Variants in ATRX observed in about 807,000 individuals in gnomAD.
ATRX encodes the protein chromatin remodeler ATRX.
Under a neutral mutation model 172.6 loss-of-function variants are expected in ATRX, and 12 were observed. The observed-to-expected ratio is 0.07, with a 90% CI of 0.04 to 0.11. ATRX has a LOEUF of 0.11. Ranked by LOEUF, ATRX falls within the 10% of genes least tolerant of loss-of-function variation. ATRX has a pLI of 1.00. For missense variants in ATRX, 1,368 were observed against 1,767.4 expected (o/e 0.77, Z 4.05); for synonymous variants, 674 against 594.7 (o/e 1.13, Z -1.94).
chrX:77,610,065 T>C (rs1423561451), intron 22 of ATRX, among the ~76,000 whole-genome samples: 3 of 112,028 alleles, frequency 2.7e-5, no homozygotes, highest in African/African-American at 9.7e-5. Flanking sequence ...TGATTATGCA[T>C]TGCATGGCTG....
intron 26 of ATRX, among the ~76,000 whole-genome samples, chrX:77,592,212 G>A (rs1307343074): frequency 4.6e-5 from 5 of 109,798 alleles, no homozygotes; most frequent in African/African-American, 1.7e-4. Flanking sequence ...AGGAGTTCAA[G>A]ACCAGCTAGG....
Position 77,620,383 on chromosome X carries a change from A to T in ATRX, c.5272+12T>A. Reference sequence around the variant, plus strand: ...CCAATATTCTACTGCATAATCAGAGATATTAACTCACACTCAATTAGGTTA... The same window carrying T: ...CCAATATTCTACTGCATAATCAGAGTTATTAACTCACACTCAATTAGGTTA... On this transcript the variant is annotated intron_variant, in intron 20 of 34. Coordinates refer to ENST00000373344, the MANE Select transcript of ATRX (RefSeq NM_000489.6). 4 of 1,205,431 alleles carry T rather than the reference A, an allele frequency of 3.3e-6. No homozygotes were observed. The highest frequency in any genetic ancestry group is 4.5e-6 in the Non-Finnish European group (4 of 890,279).
chrX:77,665,847 G>GCAAT (rs1190465026), intron 10 of ATRX, among the ~76,000 whole-genome samples: 1 of 111,837 alleles, frequency 8.9e-6, no homozygotes, highest in Non-Finnish European at 1.9e-5. Context: ...CATGTTCTCT[G>GCAAT]CAATCAAGAC....
At chrX:77,760,263 A>C (rs1433972587) in intron 1 of ATRX, among the ~76,000 whole-genome samples, 16 of 108,705 alleles carry the variant, frequency 1.5e-4, no homozygotes, top group East Asian at 2.9e-4. Flanking sequence ...AACAAACAAA[A>C]AAAAAAAAGG....
Position 77,556,923 on chromosome X carries a change from A to G in ATRX, c.6699+528T>C, listed in dbSNP as rs1470548942. Among the ~76,000 whole-genome samples the G allele has an allele frequency of 5.4e-5, 6 of 111,810 alleles. No individual in the cohort carries two copies. In the Admixed American group the frequency reaches 5.7e-4, roughly 11 times the overall value. ...TGGGTAAGTTACCTAGCCTCTCTGA[A>G]CCTCAGTTTCCTCATCTTGAAAATG... is the stretch of plus-strand genomic sequence containing the variant. On this transcript the variant is annotated intron_variant, in intron 30 of 34. Coordinates refer to ENST00000373344, the MANE Select transcript of ATRX (RefSeq NM_000489.6).
chrX:77,542,467 C>A (rs782518012), intron 30 of ATRX, among the ~76,000 whole-genome samples: 1 of 111,914 alleles, frequency 8.9e-6, no homozygotes, highest in South Asian at 3.7e-4. Flanking sequence ...GAAAAAACTA[C>A]TCTAAACTTC....
intron 27 of ATRX, among the ~76,000 whole-genome samples, chrX:77,574,733 C>A (rs1557069440): frequency 1.8e-5 from 2 of 111,656 alleles, no homozygotes; most frequent in African/African-American, 6.5e-5. Flanking sequence ...TCCTTATCAA[C>A]AACTTGATAA....
At chrX:77,733,697 C>G (rs1454277868) in intron 1 of ATRX, among the ~76,000 whole-genome samples, 2 of 83,318 alleles carry the variant, frequency 2.4e-5, no homozygotes, top group Non-Finnish European at 4.7e-5. Flanking sequence ...GGTGAAACCC[C>G]ATCTATGCTA....
intron 14 of ATRX, 144 bp from the exon 15 acceptor site, chrX:77,652,497 T>TAAAA: frequency 5.2e-6 from 2 of 386,020 alleles, no homozygotes; most frequent in Non-Finnish European, 7.7e-6. Flanking sequence ...AGAGTAGTAT[T>TAAAA]AAAAAAAAAA....
intron 12 of ATRX, 89 bp downstream of exon 12, chrX:77,663,293 C>T: frequency 9.4e-7 from 1 of 1,062,266 alleles, no homozygotes; most frequent in South Asian, 1.9e-5. Context: ...GCAATCTGCC[C>T]ACCTCAGCTT....
chrX:77,738,159 A>T (rs1415656613), intron 1 of ATRX, among the ~76,000 whole-genome samples: 3 of 109,012 alleles, frequency 2.8e-5, no homozygotes, highest in Non-Finnish European at 5.7e-5. Context: ...ACATAGTGAG[A>T]TCCCATCTCT....
At chrX:77,652,036 A>G in intron 15 of ATRX, 78 bp downstream of exon 15, 2 of 1,106,139 alleles carry the variant, frequency 1.8e-6, no homozygotes, top group Non-Finnish European at 2.5e-6. Flanking sequence ...CTTGAGCCCA[A>G]GAGTTCGAGG....
chrX:77,651,923 A>G, intron 15 of ATRX, 191 bp downstream of exon 15: 1 of 445,786 alleles, frequency 2.2e-6, no homozygotes, highest in Non-Finnish European at 3.9e-6. Flanking sequence ...TATTGAAGTC[A>G]TATACCAAAT....
rs782796499 is a variant in ATRX, at chrX:77,666,531, A to C, written c.3810-1753T>G. On this transcript the variant is annotated intron_variant, in intron 10 of 34. Transcript: ENST00000373344. ...GAAACCCTTTAAATTGAAGATATAC[A>C]TCTTTCTGGAAAAATTCTCTAAAAT... is the stretch of plus-strand genomic sequence containing the variant. Among the ~76,000 whole-genome samples, 378 of 112,410 alleles carry C rather than the reference A, an allele frequency of 3.4e-3. 1 individual carries two copies. The highest frequency in any genetic ancestry group is 4.4e-3 in the Non-Finnish European group (237 of 53,282).
At chrX:77,640,992 A>C (rs782042392) in intron 15 of ATRX, among the ~76,000 whole-genome samples, 1 of 111,548 alleles carries the variant, frequency 9.0e-6, no homozygotes, top group Non-Finnish European at 1.9e-5. Flanking sequence ...GAGGAGGCAC[A>C]GTAGCCTCTT....
chrX:77,681,719 G>A lies in ATRX; in HGVS notation c.3537C>T (p.Val1179=), dbSNP rs782800250. The change falls in exon 9 of 35, where the codon GTC becomes GTT. Residue 1179 remains valine, a synonymous_variant. Transcript: ENST00000373344. ...AGTTTCTCTTTTTCTCCTTGACAAT[G>A]ACTGCCTTCTTTTTAGATGAAGTTC... is the stretch of plus-strand genomic sequence containing the variant. ...KQRTSSKKKA[V]IVKEKKRNSL... The A allele has an allele frequency of 5.8e-6, 7 of 1,204,601 alleles. No individual in the cohort carries two copies. The Admixed American group carries it at 1.3e-4, about 23-fold the overall frequency.
intron 1 of ATRX, among the ~76,000 whole-genome samples, chrX:77,737,066 G>C (rs1446649091): frequency 9.1e-6 from 1 of 110,048 alleles, no homozygotes; most frequent in Non-Finnish European, 1.9e-5. Context: ...AGAAGTGCGA[G>C]GGGGGGCAAG....
intron 15 of ATRX, among the ~76,000 whole-genome samples, chrX:77,641,584 GA>G (rs1218786048): frequency 0.071 from 2,316 of 32,729 alleles, 53 homozygotes; most frequent in African/African-American, 0.17. Context: ...CTCCATCTCA[GA>G]AAAAAAAAAA....
chrX:77,654,909 A>C (rs1161042689), intron 13 of ATRX, among the ~76,000 whole-genome samples: 3 of 112,122 alleles, frequency 2.7e-5, no homozygotes, highest in Non-Finnish European at 5.6e-5. Flanking sequence ...GTCCATCAAC[A>C]AATAAATTGA....
Sources: gnomAD v4.1 joint callset for allele counts (sites outside exome capture counted in the v4.1 genomes callset) on GRCh38, gnomAD v4.1.1 for gene constraint, MANE v1.5 for transcripts, NCBI Gene and HGNC (gene_info 2026-07-23, HGNC 2026-07-21) for gene names.